CTNNA2: variants seen among roughly 807,000 people sequenced by gnomAD.
CTNNA2 encodes the protein catenin alpha 2, also known as catenin alpha-2.
CTNNA2 carries 42 observed loss-of-function variants against 101.0 expected under a neutral mutation model. The ratio of observed to expected loss-of-function variants is 0.42; its 90% CI spans 0.32 to 0.54. CTNNA2 has a LOEUF of 0.54. Among genes scored for constraint, CTNNA2 ranks in the 20% least tolerant of loss-of-function variants. CTNNA2 has a pLI of 0.14. For synonymous variants in CTNNA2, 450 were observed against 456.4 expected, an observed-to-expected ratio of 0.99 and a Z score of 0.18; for missense variants, 871 against 1,223.1, an observed-to-expected ratio of 0.71 and a Z score of 4.29.
chr2:79,443,905 TC>T, intron 4 of CTNNA2, among the ~76,000 whole-genome samples: 1 of 5,446 alleles, frequency 1.8e-4, no homozygotes. Context: ...GTATACATAC[TC>T]TCTCTCTCTC....
intron 2 of CTNNA2, among the ~76,000 whole-genome samples, chr2:79,717,451 T>G (rs1046738039): frequency 2.0e-5 from 3 of 152,152 alleles, no homozygotes; most frequent in African/African-American, 7.2e-5. Context: ...GGAAGTGTGG[T>G]TCAGGCTGCA....
At chr2:79,708,452 G>A (rs766769538) in intron 2 of CTNNA2, among the ~76,000 whole-genome samples, 8 of 151,856 alleles carry the variant, frequency 5.3e-5, no homozygotes, top group Admixed American at 4.6e-4. Context: ...CTGTGTTCTG[G>A]TTTCTCAGTT....
At chr2:80,425,469 A>G (rs1326444174) in intron 9 of CTNNA2, among the ~76,000 whole-genome samples, 1 of 152,158 alleles carries the variant, frequency 6.6e-6, no homozygotes, top group Non-Finnish European at 1.5e-5. Context: ...TCTACTTCCT[A>G]CAATTCCCTC....
In CTNNA2 at chr2:79,822,976, G is replaced by T. The variant is rs554949510; in HGVS notation, c.299-35037G>T. ...CCCTGAACTTGACAGGCTCTTTTCT[G>T]ATGTATGCTGGTCTTTTGCCAGATA... On this transcript the variant is annotated intron_variant, in intron 3 of 18. Coordinates refer to ENST00000402739, the MANE Select transcript of CTNNA2 (RefSeq NM_001282597.3). Among the ~76,000 whole-genome samples the T allele has an allele frequency of 8.5e-5, 13 of 152,224 alleles. No homozygotes were observed. The South Asian group carries it at 1.2e-3, about 15-fold the overall frequency.
At chr2:79,447,477 A>G (rs1232092898) in intron 4 of CTNNA2, among the ~76,000 whole-genome samples, 1 of 152,072 alleles carries the variant, frequency 6.6e-6, no homozygotes, top group Non-Finnish European at 1.5e-5. Flanking sequence ...AAGAAAATGG[A>G]AAATATATGT....
chr2:79,434,526 C>T (rs1437083188), intron 4 of CTNNA2, among the ~76,000 whole-genome samples: 2 of 152,142 alleles, frequency 1.3e-5, no homozygotes, highest in African/African-American at 2.4e-5. Context: ...CAATGGACGC[C>T]AGCTGAGTCT....
At chr2:79,312,159 T>C (rs1393142398) in intron 2 of CTNNA2, among the ~76,000 whole-genome samples, 1 of 152,130 alleles carries the variant, frequency 6.6e-6, no homozygotes, top group Non-Finnish European at 1.5e-5. Context: ...TCTTCCTACC[T>C]CAGCCTCTCA....
intron 9 of CTNNA2, among the ~76,000 whole-genome samples, chr2:80,474,689 C>A (rs573575762): frequency 1.2e-3 from 180 of 152,102 alleles, no homozygotes; most frequent in Middle Eastern, 3.4e-3. Flanking sequence ...TTGAAATTTC[C>A]TGTGGAGCCA....
intron 9 of CTNNA2, among the ~76,000 whole-genome samples, chr2:80,503,628 T>G (rs1168014515): frequency 6.6e-6 from 1 of 152,186 alleles, no homozygotes; most frequent in African/African-American, 2.4e-5. Context: ...TTTAAGTTTC[T>G]GATGGGCCTT....
intron 4 of CTNNA2, among the ~76,000 whole-genome samples, chr2:79,402,185 TAGAC>T (rs1348290991): frequency 6.6e-6 from 1 of 151,710 alleles, no homozygotes; most frequent in African/African-American, 2.4e-5. Context: ...AAAGAAGAAA[TAGAC>T]AGCTGAATAA....
intron 4 of CTNNA2, among the ~76,000 whole-genome samples, chr2:79,465,012 C>T (rs1224473291): frequency 1.3e-5 from 2 of 152,128 alleles, no homozygotes; most frequent in Admixed American, 1.3e-4. Context: ...TCAATTTTGG[C>T]TTTTGTTGCC....
chr2:80,629,719 A>T (rs1432077821), intron 18 of CTNNA2, among the ~76,000 whole-genome samples: 5 of 152,134 alleles, frequency 3.3e-5, no homozygotes. Context: ...TATCCACTGT[A>T]GGATGTTTAA....
chr2:79,188,916 T>C (rs1673816896), intron 1 of CTNNA2, among the ~76,000 whole-genome samples: 2 of 152,176 alleles, frequency 1.3e-5, no homozygotes. Flanking sequence ...TTAAAGTAGT[T>C]CAAAAATCAC....
At chr2:80,198,121 A>G (rs1053926888) in intron 7 of CTNNA2, among the ~76,000 whole-genome samples, 3 of 152,174 alleles carry the variant, frequency 2.0e-5, no homozygotes, top group African/African-American at 4.8e-5. Context: ...ACATGAAAAA[A>G]TCTGGGTAAA....
chr2:80,199,021 A>G (rs1416586261), intron 7 of CTNNA2, among the ~76,000 whole-genome samples: 1 of 151,794 alleles, frequency 6.6e-6, no homozygotes, highest in Non-Finnish European at 1.5e-5. Flanking sequence ...TCTCTACTAA[A>G]AATAAAAAAA....
chr2:79,673,873 T>C (rs1683015056), intron 2 of CTNNA2, among the ~76,000 whole-genome samples: 1 of 152,224 alleles, frequency 6.6e-6, no homozygotes. Context: ...TCAATCTTTG[T>C]GCTCATGTTT....
intron 1 of CTNNA2, among the ~76,000 whole-genome samples, chr2:79,596,445 G>A (rs541904884): frequency 6.6e-6 from 1 of 152,162 alleles, no homozygotes; most frequent in Non-Finnish European, 1.5e-5. Context: ...TATACCTTGT[G>A]TATAAGAGAA....
chr2:80,341,946 A>G (rs1485953216), intron 7 of CTNNA2, among the ~76,000 whole-genome samples: 2 of 152,248 alleles, frequency 1.3e-5, no homozygotes, highest in African/African-American at 4.8e-5. Flanking sequence ...AGAATGAAGT[A>G]GTAATGCATG....
intron 9 of CTNNA2, among the ~76,000 whole-genome samples, chr2:80,421,786 C>T (rs1237173109): frequency 2.2e-5 from 3 of 133,882 alleles, no homozygotes; most frequent in East Asian, 2.2e-4. Context: ...CTGAAATCTA[C>T]AAGTTTGCAT....
Sources: allele counts gnomAD v4.1 joint callset (sites outside exome capture counted in the v4.1 genomes callset), GRCh38; gene constraint gnomAD v4.1.1; transcripts MANE v1.5; gene names NCBI Gene and HGNC (gene_info 2026-07-23, HGNC 2026-07-21).